NUP214: variants seen among roughly 807,000 people sequenced by gnomAD.
NUP214 encodes the protein nuclear pore complex protein Nup214.
In NUP214, 79 loss-of-function variants were observed where a neutral mutation model predicts 196.2. The ratio of observed to expected loss-of-function variants is 0.40; its 90% confidence interval spans 0.34 to 0.49. The LOEUF is 0.49. NUP214 is among the 20% of genes least tolerant of loss of function. The pLI is 0.58. For missense variants in NUP214, 2,468 were observed against 2,539.0 expected (o/e 0.97, Z 0.60); for synonymous variants, 1,020 against 990.5 (o/e 1.03, Z -0.56).
chr9:131,144,420 C>T lies in NUP214; in HGVS notation c.1435C>T (p.Pro479Ser), dbSNP rs148833862. The T allele has an allele frequency of 5.9e-5, 95 of 1,614,036 alleles. No homozygotes were observed. The highest frequency in any genetic ancestry group is 7.5e-5 in the Non-Finnish European group (88 of 1,180,012). Residue 479 changes from proline to serine, a missense_variant, in exon 12 of 36, where the codon CCC becomes TCC. This residue lies in a region of NUP214 where 1,801 missense variants were observed against 1,779.4 expected (regional missense o/e 1.01). Coordinates refer to ENST00000359428, the MANE Select transcript of NUP214 (RefSeq NM_005085.4). ...TFSLLPAGGAPTVFSFGSSSL... is the reference protein window; with the variant it reads ...TFSLLPAGGASTVFSFGSSSL... ...TTCTTTGCTTCCTGCTGGTGGAGCC[C>T]CCACTGTGTTCTCCTTTGGTTCTTC...
intron 22 of NUP214, among the ~76,000 whole-genome samples, chr9:131,174,904 T>C (rs1227248346): frequency 1.3e-5 from 2 of 152,210 alleles, no homozygotes; most frequent in Non-Finnish European, 2.9e-5. Context: ...AGCCAGCTTG[T>C]TTTTTAAAAC....
At chr9:131,131,134 C>T (rs1414843715) in intron 5 of NUP214, among the ~76,000 whole-genome samples, 7 of 152,218 alleles carry the variant, frequency 4.6e-5, no homozygotes, top group East Asian at 1.9e-4. Context: ...ATACGCTATG[C>T]GCTGTTCCCC....
rs916909732 is a variant in NUP214, at chr9:131,125,925, A to G, written c.45+176A>G. On this transcript the variant is annotated intron_variant, in intron 1 of 35. Coordinates refer to ENST00000359428, the MANE Select transcript of NUP214 (RefSeq NM_005085.4). The surrounding 1 kb of genome is among the most constrained non-coding windows in gnomAD (Gnocchi z 4.1). Reference sequence around the variant, plus strand: ...CTGGCGTGATAGCCCCACCGAATGCAGTTTCCCAGTCCCATCCTGGTCTCG... The same window carrying G: ...CTGGCGTGATAGCCCCACCGAATGCGGTTTCCCAGTCCCATCCTGGTCTCG... 16 of 734,308 alleles carry G rather than the reference A, an allele frequency of 2.2e-5. No individual in the cohort carries two copies. In the African/African-American group the frequency reaches 2.7e-4, roughly 12 times the overall value. 45.5% of individuals were successfully genotyped at this position (734,308 alleles called of 1,614,324 possible).
intron 17 of NUP214, among the ~76,000 whole-genome samples, chr9:131,158,548 C>T (rs563829584): frequency 7.2e-5 from 11 of 152,270 alleles, no homozygotes; most frequent in African/African-American, 2.6e-4. Flanking sequence ...ATTTTGCAAA[C>T]AAATGAGTAT....
intron 29 of NUP214, among the ~76,000 whole-genome samples, chr9:131,200,306 C>T (rs1295772675): frequency 6.6e-6 from 1 of 152,218 alleles, no homozygotes; most frequent in Non-Finnish European, 1.5e-5. Context: ...CTGGGCATGG[C>T]GACTGACGCC....
intron 28 of NUP214, among the ~76,000 whole-genome samples, chr9:131,196,547 A>G (rs968110378): frequency 6.6e-6 from 1 of 152,226 alleles, no homozygotes; most frequent in Non-Finnish European, 1.5e-5. Context: ...TTGTAACAGC[A>G]CAATGAAGGT....
At chr9:131,176,285 T>A (rs1833115885) in intron 23 of NUP214, among the ~76,000 whole-genome samples, 1 of 152,102 alleles carries the variant, frequency 6.6e-6, no homozygotes, top group Non-Finnish European at 1.5e-5. Context: ...CTTTTTCAGT[T>A]GAGCATTTTT....
chr9:131,197,383 G>T lies in NUP214; in HGVS notation c.3889G>T (p.Ala1297Ser). 3 of 1,614,168 alleles carry T rather than the reference G, an allele frequency of 1.9e-6. No individual in the cohort carries two copies. Among genetic ancestry groups the T allele is most frequent in the Non-Finnish European group, 2.5e-6 (3 of 1,180,034 alleles). The change falls in exon 29 of 36, where the codon GCA becomes TCA. Residue 1297 changes from alanine to serine, a missense_variant. Physicochemically the swap from Ala to Ser is moderately conservative, Grantham distance 99. Coordinates refer to ENST00000359428, the MANE Select transcript of NUP214 (RefSeq NM_005085.4). ...EPAASSSRPV[A>S]PSGTALSTTS... ...TGCCGCATCTAGCAGCAGACCTGTG[G>T]CACCTTCTGGAACTGCTCTTTCCAC...
chr9:131,229,522 G>GTTTTC (rs1237526136), intron 33 of NUP214: 1 of 345,550 alleles, frequency 2.9e-6, no homozygotes, highest in Non-Finnish European at 5.7e-6. Context: ...GAAACCAGCT[G>GTTTTC]TTTTCTTTAC....
intron 11 of NUP214, 85 bp downstream of exon 11, chr9:131,140,795 C>G: frequency 7.5e-7 from 1 of 1,339,170 alleles, no homozygotes. Flanking sequence ...GGTGTGAAGA[C>G]ACATAGTGAT....
chr9:131,140,401 G>T (rs17147620), intron 10 of NUP214, 148 bp from the exon 11 acceptor site: 1 of 632,144 alleles, frequency 1.6e-6, no homozygotes, highest in Non-Finnish European at 2.7e-6. Context: ...ACGAAAGGCT[G>T]TTCAGATATA....
Position 131,215,312 on chromosome 9 carries a change from C to T in NUP214, c.5693C>T (p.Ala1898Val), listed in dbSNP as rs758837255. The change falls in exon 31 of 36, where the codon GCC (alanine) becomes GTC (valine). Residue 1898 changes from alanine to valine, a missense_variant. Ala to Val is a moderately conservative substitution (Grantham distance 64). Around this residue, in one of 5 missense-constraint regions of NUP214, gnomAD observed 262 missense variants for 296.5 expected, o/e 0.88. Transcript: ENST00000359428. ...GGAGGAAAACCCAGTCAGGATGCAGCCAACAAAAACCCATTCAGCTCGGCC... is the reference window on the plus strand; with the variant it reads ...GGAGGAAAACCCAGTCAGGATGCAGTCAACAAAAACCCATTCAGCTCGGCC... Reference protein sequence around the residue: ...GLGGKPSQDAANKNPFSSASG... With the variant: ...GLGGKPSQDAVNKNPFSSASG... 2 of 1,609,024 alleles carry T rather than the reference C, an allele frequency of 1.2e-6. No individual in the cohort carries two copies. The highest frequency in any genetic ancestry group is 1.7e-6 in the Non-Finnish European group (2 of 1,177,668).
intron 25 of NUP214, 149 bp from the exon 26 acceptor site, chr9:131,188,904 T>G (rs1177667872): frequency 6.5e-6 from 4 of 617,926 alleles, no homozygotes; most frequent in South Asian, 2.0e-5. Flanking sequence ...ACCTTTTTTT[T>G]GTTTCCTTTT....
rs776461299 is a variant in NUP214 at position 131,232,275 on chromosome 9, G to A, written c.6215-9G>A. The A allele has an allele frequency of 4.3e-6, 7 of 1,614,130 alleles. No individual in the cohort carries two copies. Among genetic ancestry groups the A allele is most frequent in the Non-Finnish European group, 5.1e-6 (6 of 1,179,978 alleles). ...CGTGCTTTAACTTCACTCTTATTCT[G>A]CTTTTCAGGGTTCAGCTTTGGGTCA... On this transcript the variant is annotated splice_polypyrimidine_tract_variant and intron_variant, in intron 34 of 35. Transcript: ENST00000359428. The surrounding 1 kb of genome is among the most constrained non-coding windows in gnomAD (Gnocchi z 5.1).
At chr9:131,142,871 T>C (rs1831962688) in intron 11 of NUP214, among the ~76,000 whole-genome samples, 1 of 152,246 alleles carries the variant, frequency 6.6e-6, no homozygotes, top group Non-Finnish European at 1.5e-5. Context: ...AACTGCCATC[T>C]TAGCTAATTT....
intron 22 of NUP214, among the ~76,000 whole-genome samples, 182 bp from the exon 23 acceptor site, chr9:131,175,278 G>A (rs1833081360): frequency 6.6e-6 from 1 of 152,194 alleles, no homozygotes; most frequent in African/African-American, 2.4e-5. Flanking sequence ...GAGGTGGGTA[G>A]GCAAATTTCA....
At position 131,222,511 on chromosome 9, in the gene NUP214, C is replaced by T. The variant is rs555072075; in HGVS notation, c.5750-267C>T. On this transcript the variant is annotated intron_variant, in intron 31 of 35. Coordinates refer to ENST00000359428, the MANE Select transcript of NUP214 (RefSeq NM_005085.4). ...CTACAAAGGAGCCTTTTCAGTGGGA[C>T]CTCTCACTGCTCCTTTATTTTGTGC... is the stretch of plus-strand genomic sequence containing the variant. The T allele has an allele frequency of 6.6e-4, 204 of 309,816 alleles. 1 individual carries two copies. In the South Asian group the frequency reaches 0.015, roughly 23 times the overall value. 19.2% of individuals were successfully genotyped at this position (309,816 alleles called of 1,614,324 possible). A position where few individuals can be genotyped will look rare whatever the true frequency, so the allele number is the denominator to read the frequency against.
intron 24 of NUP214, among the ~76,000 whole-genome samples, chr9:131,182,900 G>A (rs756408117): frequency 6.6e-6 from 1 of 152,052 alleles, no homozygotes; most frequent in Admixed American, 6.6e-5. Flanking sequence ...TTACATTAGG[G>A]TTTATAGTAT....
In NUP214 at chr9:131,189,035, G is replaced by A; in HGVS notation, c.3496-18G>A. ...GTTAGTGGTTTAACATAAACATTTT[G>A]CTTGCATTCTGTTATAGGGGTCTCT... On this transcript the variant is annotated intron_variant, in intron 25 of 35. Coordinates refer to ENST00000359428, the MANE Select transcript of NUP214 (RefSeq NM_005085.4). 1 of 1,578,542 alleles carries A rather than the reference G, an allele frequency of 6.3e-7. No homozygotes were observed. The highest frequency in any genetic ancestry group is 1.1e-5 in the South Asian group (1 of 90,062).
Sources: allele counts gnomAD v4.1 joint callset (sites outside exome capture counted in the v4.1 genomes callset), GRCh38; gene constraint gnomAD v4.1.1; regional missense constraint gnomAD v4.1.1; non-coding constraint Gnocchi (gnomAD v3.1); transcripts MANE v1.5; gene names NCBI Gene and HGNC (gene_info 2026-07-23, HGNC 2026-07-21).